Variants in GCA observed in about 807,000 individuals in gnomAD.
The protein encoded by GCA is grancalcin, EF-hand calcium-binding protein.
GCA carries 30 observed loss-of-function variants against 32.6 expected under a neutral mutation model. The observed-to-expected ratio is 0.92, with a 90% CI of 0.69 to 1.25. The LOEUF is 1.25. Among genes scored for constraint, GCA ranks in the 50% most tolerant of loss-of-function variants. The pLI is 0.00. For missense variants in GCA, 291 were observed against 266.8 expected, an observed-to-expected ratio of 1.09 and a Z score of -0.63; for synonymous variants, 102 against 84.6, an observed-to-expected ratio of 1.21 and a Z score of -1.13.
rs1576311878 is a variant in GCA, at chr2:162,371,250, A to G, written c.366-56A>G. 3 of 904,002 alleles carry G rather than the reference A, an allele frequency of 3.3e-6. No individual in the cohort carries two copies. The Admixed American group carries it at 7.1e-5, about 21-fold the overall frequency. 56.0% of individuals were successfully genotyped at this position (904,002 alleles called of 1,614,324 possible). A position where few individuals can be genotyped will look rare whatever the true frequency, so the allele number is the denominator to read the frequency against. ...GTTGGCCTATGTTTAGTTTTTGGAT[A>G]TGGCTTCCTATACTGTCAGAGGTTT... On this transcript the variant is annotated intron_variant, in intron 4 of 4. Coordinates refer to the GCA transcript ENST00000414723.
upstream of GCA, among the ~76,000 whole-genome samples, chr2:162,341,960 A>C (rs1415530398): frequency 6.6e-6 from 1 of 152,226 alleles, no homozygotes; most frequent in Non-Finnish European, 1.5e-5. Context: ...AGTACGTCGT[A>C]TTCACTCTAT....
chr2:162,349,282 A>G (rs948837514), intron 2 of GCA, among the ~76,000 whole-genome samples: 1 of 152,114 alleles, frequency 6.6e-6, no homozygotes, highest in African/African-American at 2.4e-5. Context: ...TTCAGCCTGT[A>G]CCATATAGTA....
chr2:162,368,781 A>T (rs749522821), intron 4 of GCA, among the ~76,000 whole-genome samples: 8 of 151,986 alleles, frequency 5.3e-5, no homozygotes, highest in Non-Finnish European at 1.2e-4. Context: ...TTCTGTCCCA[A>T]ATCTGCCCCC....
chr2:162,369,298 T>G (rs975365434), intron 4 of GCA, among the ~76,000 whole-genome samples: 1 of 152,092 alleles, frequency 6.6e-6, no homozygotes, highest in Non-Finnish European at 1.5e-5. Flanking sequence ...CTTTAGCCAT[T>G]GAGTCTTCTG....
At chr2:162,332,858 T>A (rs1473581897) in intron 1 of GCA, among the ~76,000 whole-genome samples, 1 of 152,186 alleles carries the variant, frequency 6.6e-6, no homozygotes, top group South Asian at 2.1e-4. Flanking sequence ...TAGTGATACA[T>A]CCCTAAGATG....
At chr2:162,373,175 A>G (rs1330277186), downstream of GCA, among the ~76,000 whole-genome samples, 1 of 152,176 alleles carries the variant, frequency 6.6e-6, no homozygotes, top group African/African-American at 2.4e-5. Flanking sequence ...GCTCTACCAC[A>G]TGTAAATTTA....
chr2:162,327,272 C>T (rs1683917830), intron 1 of GCA, among the ~76,000 whole-genome samples: 1 of 152,088 alleles, frequency 6.6e-6, no homozygotes, highest in Non-Finnish European at 1.5e-5. Flanking sequence ...TTTAGAGTAT[C>T]TCAAACGTGC....
downstream of GCA, among the ~76,000 whole-genome samples, chr2:162,365,394 A>G (rs1194770787): frequency 1.3e-5 from 2 of 151,684 alleles, no homozygotes; most frequent in Non-Finnish European, 3.0e-5. Context: ...AGTAGATTAC[A>G]CTGTCAATAC....
intron 1 of GCA, chr2:162,319,329 G>T (rs1203485791): frequency 2.3e-6 from 1 of 437,240 alleles, no homozygotes; most frequent in African/African-American, 2.0e-5. Context: ...AACAGATGTG[G>T]ATGGACTTGA....
chr2:162,371,681 C>T, downstream of GCA: 1 of 889,128 alleles, frequency 1.1e-6, no homozygotes. Flanking sequence ...TTTTACCTTA[C>T]AAGCTTCAAT....
At chr2:162,322,386 T>C (rs1053877597) in intron 1 of GCA, among the ~76,000 whole-genome samples, 4 of 117,112 alleles carry the variant, frequency 3.4e-5, no homozygotes, top group Admixed American at 7.7e-5. Flanking sequence ...TTTATTTTAC[T>C]TTATTTATTT....
chr2:162,329,309 A>G (rs1282888461), intron 1 of GCA, among the ~76,000 whole-genome samples: 1 of 152,178 alleles, frequency 6.6e-6, no homozygotes, highest in Non-Finnish European at 1.5e-5. Flanking sequence ...CTATATTATA[A>G]TTGAAAAAGT....
At chr2:162,345,511 C>A (rs1301512468) in intron 1 of GCA, among the ~76,000 whole-genome samples, 3 of 152,134 alleles carry the variant, frequency 2.0e-5, no homozygotes, top group African/African-American at 4.8e-5. Flanking sequence ...AATACATTTT[C>A]ATTCAAATAA....
intron 1 of GCA, among the ~76,000 whole-genome samples, chr2:162,332,578 C>T (rs1684134262): frequency 6.6e-6 from 1 of 151,952 alleles, no homozygotes; most frequent in African/African-American, 2.4e-5. Context: ...TTGCATAACT[C>T]ATGCCTACTA....
At chr2:162,374,488 A>G (rs1401141839), downstream of GCA, among the ~76,000 whole-genome samples, 1 of 152,190 alleles carries the variant, frequency 6.6e-6, no homozygotes, top group East Asian at 1.9e-4. Context: ...ATAAGAACAG[A>G]AAATTTGGAC....
intron 5 of GCA, among the ~76,000 whole-genome samples, chr2:162,357,491 A>C (rs1469910652): frequency 6.6e-6 from 1 of 151,852 alleles, no homozygotes; most frequent in African/African-American, 2.4e-5. Context: ...AGTTTTAAGT[A>C]GCTTTATGAA....
At position 162,361,657 on chromosome 2, in the gene GCA, CT is replaced by C. The variant is rs752956232; in HGVS notation, c.*1415del. On this transcript the variant is annotated 3_prime_UTR_variant, in exon 8 of 8. Coordinates refer to ENST00000437150, the MANE Select transcript of GCA (RefSeq NM_012198.5). Reference sequence around the variant, plus strand: ...GACACTGATAATTTTATATAATTTGCTGTCAAATTCACTTGGTCAGTTTTAT... The same window carrying C: ...GACACTGATAATTTTATATAATTTGCGTCAAATTCACTTGGTCAGTTTTAT... 286 of 983,888 alleles carry C rather than the reference CT, an allele frequency of 2.9e-4. 2 individuals carry two copies. Among genetic ancestry groups the C allele is most frequent in the Middle Eastern group, 1.6e-3 (3 of 1,914 alleles). 60.9% of individuals were successfully genotyped at this position (983,888 alleles called of 1,614,324 possible).
intron 1 of GCA, among the ~76,000 whole-genome samples, chr2:162,320,993 C>T (rs1218161624): frequency 6.6e-6 from 1 of 152,122 alleles, no homozygotes; most frequent in African/African-American, 2.4e-5. Context: ...TATTTTCTCA[C>T]AAGTAGGAGT....
Position 162,361,168 on chromosome 2 carries a change from A to C in GCA, c.*925A>C, listed in dbSNP as rs1220543898. 2.0e-6 allele frequency: 2 copies of C among 984,316 alleles called. No homozygotes were observed. The highest frequency in any genetic ancestry group is 6.2e-5 in the Admixed American group (1 of 16,146). 61.0% of individuals were successfully genotyped at this position (984,316 alleles called of 1,614,324 possible). A position where few individuals can be genotyped will look rare whatever the true frequency, so the allele number is the denominator to read the frequency against. On this transcript the variant is annotated 3_prime_UTR_variant, in exon 8 of 8. Transcript: ENST00000437150. ...TGACTTATTTGACAACATTAACATT[A>C]GTGGTGGCTTTGCCATTAAAAACCC... is the stretch of plus-strand genomic sequence containing the variant.
Sources: gnomAD v4.1 joint callset for allele counts (sites outside exome capture counted in the v4.1 genomes callset) on GRCh38, gnomAD v4.1.1 for gene constraint, MANE v1.5 for transcripts, NCBI Gene and HGNC (gene_info 2026-07-23, HGNC 2026-07-21) for gene names.